SLC44A5: variants seen among roughly 807,000 people sequenced by gnomAD.
The protein encoded by SLC44A5 is choline transporter-like protein 5.
Under a neutral mutation model 101.8 loss-of-function variants are expected in SLC44A5, and 57 were observed. The ratio of observed to expected loss-of-function variants is 0.56; its 90% CI spans 0.45 to 0.70. SLC44A5 has a LOEUF of 0.70. Ranked by LOEUF, SLC44A5 falls within the 30% of genes least tolerant of loss-of-function variation. The pLI, the probability that SLC44A5 is intolerant of heterozygous loss-of-function variation, is 0.00. For missense variants in SLC44A5, 737 were observed against 853.1 expected (o/e 0.86, Z 1.70); for synonymous variants, 281 against 290.9 (o/e 0.97, Z 0.35).
the SLC44A5 span, among the ~76,000 whole-genome samples, chr1:75,662,700 G>T: frequency 6.6e-6 from 1 of 151,898 alleles, no homozygotes; most frequent in African/African-American, 2.4e-5. Context: ...CAGGGTTTTT[G>T]CCTTTCACAA....
chr1:75,440,405 G>A (rs567234227), intron 2 of SLC44A5, among the ~76,000 whole-genome samples: 76 of 152,202 alleles, frequency 5.0e-4, no homozygotes, highest in Middle Eastern at 6.8e-3. Flanking sequence ...TCCAGGACAT[G>A]GCTGAGGAAA....
intron 4 of SLC44A5, among the ~76,000 whole-genome samples, chr1:75,315,703 A>G (rs1193586121): frequency 6.6e-6 from 1 of 152,134 alleles, no homozygotes; most frequent in Non-Finnish European, 1.5e-5. Context: ...CATGATAATA[A>G]CCCTAACCTT....
chr1:75,642,755 T>A, the SLC44A5 span, among the ~76,000 whole-genome samples: 1 of 152,140 alleles, frequency 6.6e-6, no homozygotes, highest in South Asian at 2.1e-4. Flanking sequence ...GGTTGCAAAG[T>A]CTCAAGAGGC....
chr1:75,461,736 C>A (rs1382263211), intron 2 of SLC44A5, among the ~76,000 whole-genome samples: 1 of 152,176 alleles, frequency 6.6e-6, no homozygotes, highest in Non-Finnish European at 1.5e-5. Context: ...TCACAATAAG[C>A]TGACTAAAAA....
chr1:75,242,592 T>C (rs375909839), intron 8 of SLC44A5, among the ~76,000 whole-genome samples: 7 of 152,196 alleles, frequency 4.6e-5, no homozygotes, highest in East Asian at 3.9e-4. Context: ...TGACATTAAC[T>C]CCTAGTTCTA....
intron 3 of SLC44A5, among the ~76,000 whole-genome samples, chr1:75,367,168 C>T (rs1279745535): frequency 1.3e-5 from 2 of 152,190 alleles, no homozygotes; most frequent in African/African-American, 4.8e-5. Flanking sequence ...GTCTTTACAA[C>T]CACTTTCAGC....
intron 1 of SLC44A5, among the ~76,000 whole-genome samples, chr1:75,578,873 T>C (rs1673523345): frequency 6.6e-6 from 1 of 152,240 alleles, no homozygotes; most frequent in South Asian, 2.1e-4. Flanking sequence ...ATATAAAATA[T>C]GCTGTACACT....
intron 2 of SLC44A5, among the ~76,000 whole-genome samples, chr1:75,463,793 G>A (rs1666651436): frequency 1.3e-5 from 2 of 152,136 alleles, no homozygotes; most frequent in African/African-American, 4.8e-5. Context: ...GTAATAGTAA[G>A]TACACAGAAA....
At chr1:75,233,124 A>G (rs1647742050) in intron 12 of SLC44A5, among the ~76,000 whole-genome samples, 1 of 152,152 alleles carries the variant, frequency 6.6e-6, no homozygotes, top group South Asian at 2.1e-4. Flanking sequence ...AGACACTTTA[A>G]TTCATATGTA....
chr1:75,496,709 A>G (rs745786717), intron 2 of SLC44A5, among the ~76,000 whole-genome samples: 13 of 152,054 alleles, frequency 8.5e-5, no homozygotes, highest in Non-Finnish European at 1.8e-4. Flanking sequence ...ACAAAATGAA[A>G]GAAAATATTC....
intron 2 of SLC44A5, among the ~76,000 whole-genome samples, chr1:75,516,253 G>A (rs1313132397): frequency 1.3e-5 from 2 of 152,272 alleles, no homozygotes; most frequent in Admixed American, 6.5e-5. Context: ...GGTGGCTCAC[G>A]CCTGTAATCC....
chr1:75,426,783 T>C (rs1193801128), intron 2 of SLC44A5, among the ~76,000 whole-genome samples: 2 of 152,214 alleles, frequency 1.3e-5, no homozygotes, highest in Non-Finnish European at 2.9e-5. Flanking sequence ...CGACTTTGAA[T>C]GTGGATCCAG....
intron 3 of SLC44A5, among the ~76,000 whole-genome samples, chr1:75,391,263 A>G (rs1661768261): frequency 1.3e-5 from 2 of 152,236 alleles, no homozygotes; most frequent in Non-Finnish European, 2.9e-5. Flanking sequence ...AATATTGTTT[A>G]AATGGCCATA....
intron 1 of SLC44A5, among the ~76,000 whole-genome samples, chr1:75,601,394 G>A (rs968102498): frequency 6.7e-6 from 1 of 148,354 alleles, no homozygotes; most frequent in Non-Finnish European, 1.5e-5. Context: ...GGGCTGGGGG[G>A]CTAGAGGAGG....
At chr1:75,228,824 C>T (rs1647310508) in intron 12 of SLC44A5, among the ~76,000 whole-genome samples, 1 of 151,748 alleles carries the variant, frequency 6.6e-6, no homozygotes, top group South Asian at 2.1e-4. Flanking sequence ...TCAATAATCA[C>T]CCACTCTAAT....
At chr1:75,236,076 A>C (rs1170400212) in intron 11 of SLC44A5, among the ~76,000 whole-genome samples, 3 of 152,076 alleles carry the variant, frequency 2.0e-5, no homozygotes, top group Non-Finnish European at 4.4e-5. Context: ...AAGGAGGTGC[A>C]GTTGTCCAGG....
the SLC44A5 span, among the ~76,000 whole-genome samples, chr1:75,642,349 G>C: frequency 1.3e-5 from 2 of 152,014 alleles, no homozygotes; most frequent in Non-Finnish European, 2.9e-5. Flanking sequence ...CTGCTTTCTT[G>C]AGTTGATACA....
At chr1:75,396,736 T>G in intron 2 of SLC44A5, 115 bp from the exon 3 acceptor site, 1 of 791,608 alleles carries the variant, frequency 1.3e-6, no homozygotes, top group Admixed American at 1.9e-5. Context: ...ACACACAAAA[T>G]AACATAAGGC....
At chr1:75,710,339 T>C in the SLC44A5 span, 1 of 152,256 alleles carries the variant, frequency 6.6e-6, no homozygotes, top group Non-Finnish European at 1.5e-5. Flanking sequence ...GAAGACTGCT[T>C]GAACCCAGGA....
Sources: gnomAD v4.1 joint callset for allele counts (sites outside exome capture counted in the v4.1 genomes callset) on GRCh38, gnomAD v4.1.1 for gene constraint, MANE v1.5 for transcripts, NCBI Gene and HGNC (gene_info 2026-07-23, HGNC 2026-07-21) for gene names.